KCNH7: variants seen among roughly 807,000 people sequenced by gnomAD.
KCNH7 encodes the protein potassium voltage-gated channel subfamily H member 7.
In KCNH7, 49 loss-of-function variants were observed where a neutral mutation model predicts 120.8. The ratio of observed to expected loss-of-function variants is 0.41; its 90% CI spans 0.32 to 0.51. KCNH7 has a LOEUF of 0.51. KCNH7 is among the 20% of genes least tolerant of loss of function. The pLI is 0.38. For synonymous variants in KCNH7, 547 were observed against 516.1 expected (o/e 1.06, Z -0.81); for missense variants, 1,097 against 1,446.6 (o/e 0.76, Z 3.92).
intron 2 of KCNH7, among the ~76,000 whole-genome samples, chr2:162,537,526 CTT>C (rs1280670634): frequency 6.6e-6 from 1 of 151,976 alleles, no homozygotes; most frequent in African/African-American, 2.4e-5. Context: ...TGCTTTTTCT[CTT>C]TTAATTTATT....
rs565685058 is a variant in KCNH7 at position 162,473,009 on chromosome 2, G to A, written c.1129-26566C>T. On this transcript the variant is annotated intron_variant, in intron 6 of 15. Transcript: ENST00000332142. ...CACCATATGTCCTCACTCATAGGTG[G>A]GAATTGAACAATGAGAACACTTGGA... Among the ~76,000 whole-genome samples the A allele has an allele frequency of 3.6e-4, 55 of 152,100 alleles. 1 individual carries two copies. The highest frequency in any genetic ancestry group is 1.2e-3 in the African/African-American group (49 of 41,484).
At chr2:162,788,951 G>A (rs1447987537) in intron 2 of KCNH7, among the ~76,000 whole-genome samples, 1 of 139,770 alleles carries the variant, frequency 7.2e-6, no homozygotes, top group Non-Finnish European at 1.5e-5. Context: ...AAACCTTGAT[G>A]CCAGAAGATG....
At chr2:162,411,254 A>G (rs1487240940) in intron 9 of KCNH7, among the ~76,000 whole-genome samples, 2 of 152,146 alleles carry the variant, frequency 1.3e-5, no homozygotes, top group Non-Finnish European at 2.9e-5. Flanking sequence ...TGGCACATAT[A>G]TGCAATGGAA....
chr2:162,407,803 T>C (rs1358424139), intron 9 of KCNH7, among the ~76,000 whole-genome samples: 1 of 152,012 alleles, frequency 6.6e-6, no homozygotes, highest in East Asian at 1.9e-4. Flanking sequence ...AATGGATTGA[T>C]TGTAGATGAC....
chr2:162,596,089 C>G (rs534985002), intron 2 of KCNH7, among the ~76,000 whole-genome samples: 1 of 152,032 alleles, frequency 6.6e-6, no homozygotes, highest in East Asian at 1.9e-4. Context: ...AATTCTGTGT[C>G]CTTTGATTAG....
intron 6 of KCNH7, among the ~76,000 whole-genome samples, chr2:162,446,984 T>A (rs1688601713): frequency 6.6e-6 from 1 of 152,064 alleles, no homozygotes; most frequent in South Asian, 2.1e-4. Context: ...TTTTTAACAT[T>A]AGGGGAAAAA....
intron 2 of KCNH7, among the ~76,000 whole-genome samples, chr2:162,774,736 C>G (rs1367503761): frequency 6.6e-6 from 1 of 152,060 alleles, no homozygotes; most frequent in African/African-American, 2.4e-5. Context: ...AAAAAGAAAA[C>G]TAGTGTATAA....
At chr2:162,472,495 T>C (rs1269258365) in intron 6 of KCNH7, among the ~76,000 whole-genome samples, 2 of 152,148 alleles carry the variant, frequency 1.3e-5, no homozygotes, top group Non-Finnish European at 2.9e-5. Context: ...AAAATGCTCA[T>C]CATCACTGGC....
chr2:162,416,355 A>G (rs1185633055), intron 9 of KCNH7, among the ~76,000 whole-genome samples: 2 of 150,730 alleles, frequency 1.3e-5, no homozygotes, highest in East Asian at 3.9e-4. Flanking sequence ...CCTGAGCAAC[A>G]GTGTGAGACT....
intron 14 of KCNH7, among the ~76,000 whole-genome samples, chr2:162,379,160 G>A (rs1306667394): frequency 6.6e-6 from 1 of 152,142 alleles, no homozygotes; most frequent in African/African-American, 2.4e-5. Flanking sequence ...TATCTTGCCT[G>A]GTGGTGAACT....
intron 8 of KCNH7, among the ~76,000 whole-genome samples, chr2:162,432,422 C>G (rs998130441): frequency 6.6e-6 from 1 of 151,892 alleles, no homozygotes; most frequent in African/African-American, 2.4e-5. Flanking sequence ...ATGAAAAGTA[C>G]ATTTTATATA....
intron 12 of KCNH7, 147 bp downstream of exon 12, chr2:162,394,242 T>A: frequency 1.6e-6 from 1 of 626,756 alleles, no homozygotes; most frequent in Non-Finnish European, 2.8e-6. Flanking sequence ...GGAAACCAGA[T>A]CATTAGCTAC....
At position 162,673,180 on chromosome 2, in the gene KCNH7, T is replaced by C. The variant is rs536142250; in HGVS notation, c.308-136100A>G. On this transcript the variant is annotated intron_variant, in intron 2 of 15. Coordinates refer to ENST00000332142, the MANE Select transcript of KCNH7 (RefSeq NM_033272.4). ...AAGGATTATATAAATATTTATTTTT[T>C]CTAGACTACAATTGTACTGATGCCA... Among the ~76,000 whole-genome samples, 212 of 152,144 alleles carry C rather than the reference T, an allele frequency of 1.4e-3. 1 individual carries two copies. The highest frequency in any genetic ancestry group is 4.4e-3 in the African/African-American group (184 of 41,560).
chr2:162,437,949 C>T (rs1688300578), intron 7 of KCNH7, among the ~76,000 whole-genome samples: 1 of 152,208 alleles, frequency 6.6e-6, no homozygotes, highest in African/African-American at 2.4e-5. Flanking sequence ...AGGAGTCACC[C>T]TGGTTCAACA....
chr2:162,446,078 C>T lies in KCNH7; in HGVS notation c.1494G>A (p.Leu498=). ...AAGGAATTGCTGCAACCATGTCAAT[C>T]AGGAACCAGCCTTTGAAGTAGTGTA... is the stretch of plus-strand genomic sequence containing the variant. The part of the protein sequence containing the change: ...IAIHYFKGWF[L]IDMVAAIPFD... The change falls in exon 7 of 16, where the codon CTG becomes CTA. Residue 498 remains leucine (L), a synonymous_variant. Coordinates refer to ENST00000332142, the MANE Select transcript of KCNH7 (RefSeq NM_033272.4). 6 of 1,613,888 alleles carry T rather than the reference C, an allele frequency of 3.7e-6. No individual in the cohort carries two copies. In the South Asian group the frequency reaches 6.6e-5, roughly 18 times the overall value.
At chr2:162,491,626 C>A (rs1217577417) in intron 6 of KCNH7, among the ~76,000 whole-genome samples, 1 of 152,188 alleles carries the variant, frequency 6.6e-6, no homozygotes, top group Non-Finnish European at 1.5e-5. Context: ...CCCATTAGGC[C>A]TCCCTGTTAA....
At chr2:162,393,088 G>A (rs1285925847) in intron 12 of KCNH7, among the ~76,000 whole-genome samples, 1 of 151,940 alleles carries the variant, frequency 6.6e-6, no homozygotes, top group South Asian at 2.1e-4. Context: ...ATTTATTGGA[G>A]GTAGCAATAA....
intron 12 of KCNH7, among the ~76,000 whole-genome samples, chr2:162,392,484 A>G (rs1023952211): frequency 6.6e-6 from 1 of 152,006 alleles, no homozygotes; most frequent in Non-Finnish European, 1.5e-5. Context: ...AGAGTGAAAA[A>G]AAGAACTTGG....
intron 2 of KCNH7, among the ~76,000 whole-genome samples, chr2:162,745,957 A>T (rs970909460): frequency 1.3e-5 from 2 of 152,174 alleles, no homozygotes; most frequent in African/African-American, 4.8e-5. Context: ...CTCAGCTAAC[A>T]TATTGATACT....
Sources: gnomAD v4.1 joint callset for allele counts (sites outside exome capture counted in the v4.1 genomes callset) on GRCh38, gnomAD v4.1.1 for gene constraint, MANE v1.5 for transcripts, NCBI Gene and HGNC (gene_info 2026-07-23, HGNC 2026-07-21) for gene names.